COL25A1: variants seen among roughly 807,000 people sequenced by gnomAD.
The protein encoded by COL25A1 is collagen alpha-1(XXV) chain.
In COL25A1, 103 loss-of-function variants were observed where a neutral mutation model predicts 128.4. The ratio of observed to expected loss-of-function variants is 0.80; its 90% confidence interval spans 0.68 to 0.94. The LOEUF (loss-of-function observed/expected upper bound fraction) is 0.94, where lower values mean the gene tolerates loss of function less well. Among genes scored for constraint, COL25A1 ranks in the 40% least tolerant of loss-of-function variants. The probability of loss-of-function intolerance (pLI) is 0.00; values close to 1 mark genes in which losing one functional copy is unlikely to be tolerated. For missense variants in COL25A1, 745 were observed against 840.0 expected (o/e 0.89, Z 1.40); for synonymous variants, 279 against 277.2 (o/e 1.01, Z -0.06).
intron 5 of COL25A1, among the ~76,000 whole-genome samples, chr4:109,013,191 A>G (rs977006728): frequency 6.6e-6 from 1 of 152,148 alleles, no homozygotes; most frequent in African/African-American, 2.4e-5. Context: ...AAACGCACCA[A>G]TCAGTGCTCT....
At chr4:108,851,650 G>A (rs1238261879) in intron 26 of COL25A1, among the ~76,000 whole-genome samples, 1 of 152,114 alleles carries the variant, frequency 6.6e-6, no homozygotes, top group African/African-American at 2.4e-5. Flanking sequence ...GAGGGATAAA[G>A]CCATCAACAA....
chr4:109,022,223 C>G, intron 5 of COL25A1: 1 of 452,800 alleles, frequency 2.2e-6, no homozygotes, highest in South Asian at 1.6e-5. Flanking sequence ...TCTCTTTGTG[C>G]TCTTTCTCTT....
intron 6 of COL25A1, among the ~76,000 whole-genome samples, chr4:108,985,787 T>A (rs1753614033): frequency 6.6e-6 from 1 of 152,192 alleles, no homozygotes; most frequent in Non-Finnish European, 1.5e-5. Flanking sequence ...CTATGAAATA[T>A]ATACCCTTAA....
intron 5 of COL25A1, among the ~76,000 whole-genome samples, chr4:109,043,809 A>T (rs1462487211): frequency 6.6e-6 from 1 of 152,110 alleles, no homozygotes; most frequent in African/African-American, 2.4e-5. Flanking sequence ...GCTTCCTATT[A>T]AAGTGCAAAC....
chr4:109,300,755 C>G (rs1725438200), intron 2 of COL25A1, 103 bp from the exon 3 acceptor site: 1 of 754,978 alleles, frequency 1.3e-6, no homozygotes, highest in African/African-American at 1.7e-5. Flanking sequence ...ATTTCATAAC[C>G]TGCATAACTA....
intron 3 of COL25A1, among the ~76,000 whole-genome samples, chr4:109,136,404 T>TAAG (rs1261743791): frequency 6.6e-6 from 1 of 151,816 alleles, no homozygotes; most frequent in East Asian, 1.9e-4. Context: ...TGTCTCAAAA[T>TAAG]AATAATAATA....
intron 3 of COL25A1, among the ~76,000 whole-genome samples, chr4:109,056,034 TTAATCA>T (rs1761417448): frequency 6.6e-6 from 1 of 152,210 alleles, no homozygotes; most frequent in African/African-American, 2.4e-5. Flanking sequence ...TAAACGAAAG[TTAATCA>T]TAATAAATAA....
chr4:108,945,457 T>C (rs992487433), intron 8 of COL25A1, among the ~76,000 whole-genome samples: 4 of 152,184 alleles, frequency 2.6e-5, no homozygotes, highest in Non-Finnish European at 4.4e-5. Flanking sequence ...GAGGATATAA[T>C]TTTTATTAAC....
chr4:109,055,623 C>T (rs182533670), intron 3 of COL25A1, among the ~76,000 whole-genome samples: 1 of 152,214 alleles, frequency 6.6e-6, no homozygotes, highest in East Asian at 1.9e-4. Context: ...TTTCGAACAT[C>T]GCTACTTAGA....
At chr4:108,926,036 A>C (rs1746015847) in intron 11 of COL25A1, among the ~76,000 whole-genome samples, 1 of 152,224 alleles carries the variant, frequency 6.6e-6, no homozygotes, top group Admixed American at 6.5e-5. Context: ...TGTTGGCTGT[A>C]CTTTCCAGTT....
intron 8 of COL25A1, among the ~76,000 whole-genome samples, chr4:108,943,815 C>A (rs574811473): frequency 8.2e-6 from 1 of 121,462 alleles, no homozygotes; most frequent in African/African-American, 3.6e-5. Context: ...GCCTTTTATT[C>A]CTTTTTTTCA....
intron 3 of COL25A1, among the ~76,000 whole-genome samples, chr4:109,169,365 T>C (rs1294460851): frequency 6.6e-6 from 1 of 152,234 alleles, no homozygotes; most frequent in African/African-American, 2.4e-5. Context: ...TCATCGGTGT[T>C]ATGACACTTA....
chr4:109,283,690 G>A (rs1723602947), intron 3 of COL25A1, among the ~76,000 whole-genome samples: 1 of 152,212 alleles, frequency 6.6e-6, no homozygotes, highest in Non-Finnish European at 1.5e-5. Flanking sequence ...TTGCCATCTG[G>A]CTTTAGACTT....
intron 3 of COL25A1, among the ~76,000 whole-genome samples, chr4:109,070,964 T>C (rs926610210): frequency 6.6e-6 from 1 of 151,986 alleles, no homozygotes; most frequent in Non-Finnish European, 1.5e-5. Flanking sequence ...ATTCCAAGTC[T>C]TTGAAAAAGA....
Position 109,008,008 on chromosome 4 carries a change from C to T in COL25A1, c.438+2350G>A, listed in dbSNP as rs531437582. ...ATTAACTACTATGCATTTAATGCTG[C>T]CTTTATATTTAATTTCCCAAGTCTT... On this transcript the variant is annotated intron_variant, in intron 6 of 37. Coordinates refer to ENST00000399132, the MANE Select transcript of COL25A1 (RefSeq NM_198721.4). 2.6e-4 allele frequency among the ~76,000 whole-genome samples: 40 copies of T among 152,220 alleles called. No homozygotes were observed. The Middle Eastern group carries it at 0.01, about 39-fold the overall frequency.
At chr4:109,059,847 TTAAATG>T (rs1301405194) in intron 3 of COL25A1, among the ~76,000 whole-genome samples, 1 of 152,188 alleles carries the variant, frequency 6.6e-6, no homozygotes, top group Admixed American at 6.5e-5. Flanking sequence ...TGGCACATAG[TTAAATG>T]TTAAATGGAT....
chr4:109,207,427 G>A (rs532578249), intron 3 of COL25A1, among the ~76,000 whole-genome samples: 2 of 151,912 alleles, frequency 1.3e-5, no homozygotes, highest in East Asian at 3.9e-4. Context: ...GATCACTGAG[G>A]TCTTCAACAC....
chr4:108,987,850 A>G (rs1007060505), intron 6 of COL25A1, among the ~76,000 whole-genome samples: 1 of 152,066 alleles, frequency 6.6e-6, no homozygotes, highest in Non-Finnish European at 1.5e-5. Flanking sequence ...ATCATTGATG[A>G]CTCATCTCCA....
intron 6 of COL25A1, among the ~76,000 whole-genome samples, chr4:109,005,247 T>A (rs1395136218): frequency 6.6e-6 from 1 of 152,056 alleles, no homozygotes; most frequent in African/African-American, 2.4e-5. Flanking sequence ...CTACACACAT[T>A]TTTAAACAAC....
Sources: allele counts gnomAD v4.1 joint callset (sites outside exome capture counted in the v4.1 genomes callset), GRCh38; gene constraint gnomAD v4.1.1; transcripts MANE v1.5; gene names NCBI Gene and HGNC (gene_info 2026-07-23, HGNC 2026-07-21).